The following CSMD1 variants were observed in gnomAD, a reference collection of about 807,000 sequenced individuals.
CSMD1 encodes CUB and sushi domain-containing protein 1.
CSMD1 carries 213 observed loss-of-function variants against 417.5 expected under a neutral mutation model. That is an observed-to-expected ratio of 0.51 (90% CI 0.46 to 0.57). CSMD1 has a LOEUF of 0.57. Among genes scored for constraint, CSMD1 ranks in the 20% least tolerant of loss-of-function variants. CSMD1 has a pLI of 0.00. For missense variants in CSMD1, 6,923 were observed against 4,529.7 expected (o/e 1.53, Z -15.17); for synonymous variants, 2,862 against 1,736.8 (o/e 1.65, Z -16.11).
At chr8:3,214,444 C>T in intron 30 of CSMD1, 53 bp downstream of exon 30, 28 of 1,395,528 alleles carry the variant, frequency 2.0e-5, no homozygotes, top group Non-Finnish European at 2.6e-5. Flanking sequence ...CAATGAGATG[C>T]TGCATTTTAA....
chr8:4,128,219 G>C (rs765945991), intron 3 of CSMD1, among the ~76,000 whole-genome samples: 3 of 151,994 alleles, frequency 2.0e-5, no homozygotes, highest in South Asian at 2.1e-4. Context: ...GCTCCTCCTT[G>C]AAAGGCATGT....
intron 3 of CSMD1, among the ~76,000 whole-genome samples, chr8:4,046,013 T>C (rs527780103): frequency 6.6e-6 from 1 of 152,286 alleles, no homozygotes; most frequent in African/African-American, 2.4e-5. Context: ...TCTACAATTG[T>C]ATTCAAATAT....
At chr8:4,035,343 C>T (rs949167058) in intron 3 of CSMD1, among the ~76,000 whole-genome samples, 1 of 152,162 alleles carries the variant, frequency 6.6e-6, no homozygotes, top group African/African-American at 2.4e-5. Flanking sequence ...GGTTTTTCTA[C>T]TTACTATACT....
intron 2 of CSMD1, among the ~76,000 whole-genome samples, chr8:4,531,239 G>A (rs1157061784): frequency 1.3e-5 from 2 of 152,100 alleles, no homozygotes; most frequent in African/African-American, 4.8e-5. Context: ...ACTGATAGAT[G>A]ATCTCCTTAC....
At position 4,754,908 on chromosome 8, in the gene CSMD1, G is replaced by A. The variant is rs571498554; in HGVS notation, c.86-117350C>T. Among the ~76,000 whole-genome samples the A allele has an allele frequency of 4.3e-4, 65 of 151,944 alleles. 1 individual carries two copies. The highest frequency in any genetic ancestry group is 1.2e-3 in the African/African-American group (51 of 41,404). ...AATCCAAGCACTTTGTGAATCCAAG[G>A]TGGGTGGATCACAAGGTCGGGAGTT... On this transcript the variant is annotated intron_variant, in intron 1 of 69. Transcript: ENST00000635120.
intron 8 of CSMD1, among the ~76,000 whole-genome samples, chr8:3,592,466 T>G (rs1249393067): frequency 6.6e-6 from 1 of 152,146 alleles, no homozygotes; most frequent in Non-Finnish European, 1.5e-5. Context: ...AACCTTTTCT[T>G]CAGCGTGACA....
chr8:4,429,010 C>T (rs752244205), intron 2 of CSMD1, among the ~76,000 whole-genome samples: 3 of 151,978 alleles, frequency 2.0e-5, no homozygotes, highest in Admixed American at 6.6e-5. Context: ...CACTGCACGT[C>T]GGCCTTATCT....
chr8:4,474,757 T>TC (rs1428825885), intron 2 of CSMD1, among the ~76,000 whole-genome samples: 4 of 152,072 alleles, frequency 2.6e-5, no homozygotes, highest in African/African-American at 9.7e-5. Flanking sequence ...ATACCACACC[T>TC]CCTGTTTCTC....
chr8:4,264,576 G>A (rs1030294180), intron 3 of CSMD1, among the ~76,000 whole-genome samples: 1 of 152,096 alleles, frequency 6.6e-6, no homozygotes, highest in African/African-American at 2.4e-5. Context: ...TTTTATTATG[G>A]AAGACTGGTT....
intron 10 of CSMD1, among the ~76,000 whole-genome samples, chr8:3,551,149 A>G (rs1798892762): frequency 6.6e-6 from 1 of 152,332 alleles, no homozygotes; most frequent in Admixed American, 6.5e-5. Context: ...TTTAAAAAGG[A>G]AACACTAATG....
rs1317811558 is a variant in CSMD1, at chr8:3,289,436, C to T, written c.3951-5090G>A. On this transcript the variant is annotated intron_variant, in intron 25 of 69. Transcript: ENST00000635120. ...ACAATGGTTGAACTAGTTTACAGTC[C>T]CACCAACAGTGTAAAAGTGTTCCTA... 5.4e-5 allele frequency among the ~76,000 whole-genome samples: 8 copies of T among 147,436 alleles called. 1 individual carries two copies. The highest frequency in any genetic ancestry group is 8.8e-5 in the Non-Finnish European group (6 of 68,004).
intron 62 of CSMD1, among the ~76,000 whole-genome samples, chr8:2,958,477 A>G (rs919083894): frequency 6.6e-6 from 1 of 152,200 alleles, no homozygotes; most frequent in Non-Finnish European, 1.5e-5. Context: ...CTGTATATTT[A>G]TTCACCCATG....
chr8:3,140,627 G>C (rs955001218), intron 41 of CSMD1, among the ~76,000 whole-genome samples: 1 of 151,566 alleles, frequency 6.6e-6, no homozygotes, highest in Non-Finnish European at 1.5e-5. Context: ...TAATGCCAAA[G>C]AGTTCATCAT....
At chr8:4,803,753 T>G (rs1266436011) in intron 1 of CSMD1, among the ~76,000 whole-genome samples, 1 of 152,228 alleles carries the variant, frequency 6.6e-6, no homozygotes, top group Non-Finnish European at 1.5e-5. Flanking sequence ...ATAATTTTTT[T>G]CAAAGAACGT....
At chr8:4,474,497 G>C (rs890661763) in intron 2 of CSMD1, among the ~76,000 whole-genome samples, 2 of 152,208 alleles carry the variant, frequency 1.3e-5, no homozygotes, top group African/African-American at 4.8e-5. Flanking sequence ...AAGGGCTGCA[G>C]TCTTAGAGAG....
At chr8:3,517,212 G>C (rs1010997607) in intron 10 of CSMD1, among the ~76,000 whole-genome samples, 3 of 152,064 alleles carry the variant, frequency 2.0e-5, no homozygotes, top group Non-Finnish European at 2.9e-5. Flanking sequence ...TCTCAGAATT[G>C]CCAGTAGAAT....
chr8:3,902,160 A>G (rs1807799237), intron 5 of CSMD1, among the ~76,000 whole-genome samples: 1 of 152,142 alleles, frequency 6.6e-6, no homozygotes, highest in Non-Finnish European at 1.5e-5. Flanking sequence ...GCACTGTAGC[A>G]ACATTGCTAC....
chr8:4,905,413 T>A (rs558991491), intron 1 of CSMD1, among the ~76,000 whole-genome samples: 2 of 152,192 alleles, frequency 1.3e-5, no homozygotes, highest in East Asian at 3.9e-4. Flanking sequence ...TATAGATTTA[T>A]AAAATACATA....
At chr8:3,350,670 C>A (rs921818916) in intron 21 of CSMD1, among the ~76,000 whole-genome samples, 1 of 152,108 alleles carries the variant, frequency 6.6e-6, no homozygotes, top group Non-Finnish European at 1.5e-5. Context: ...CGATTAATTG[C>A]AGCTGATATT....
Sources: gnomAD v4.1 joint callset for allele counts (sites outside exome capture counted in the v4.1 genomes callset) on GRCh38, gnomAD v4.1.1 for gene constraint, MANE v1.5 for transcripts, NCBI Gene and HGNC (gene_info 2026-07-23, HGNC 2026-07-21) for gene names.